Variants in CHN2 observed in about 807,000 individuals in gnomAD.
The protein encoded by CHN2 is chimerin 2.
A neutral mutation model predicts 56.3 loss-of-function variants in CHN2; 35 were observed. That is an observed-to-expected ratio of 0.62 (90% CI 0.47 to 0.82). CHN2 has a LOEUF of 0.82. CHN2 is among the 40% of genes least tolerant of loss of function. The probability of loss-of-function intolerance (pLI) is 0.00; values close to 1 mark genes in which losing one functional copy is unlikely to be tolerated. For synonymous variants in CHN2, 210 were observed against 212.8 expected, an observed-to-expected ratio of 0.99 and a Z score of 0.12; for missense variants, 491 against 580.5, an observed-to-expected ratio of 0.85 and a Z score of 1.58.
intron 1 of CHN2, among the ~76,000 whole-genome samples, chr7:29,347,263 A>G (rs540993963): frequency 2.0e-5 from 3 of 152,274 alleles, no homozygotes; most frequent in South Asian, 4.1e-4. Flanking sequence ...AATAAAAAAT[A>G]CAGAGACCCT....
At chr7:29,303,314 CT>C (rs149478328) in intron 1 of CHN2, among the ~76,000 whole-genome samples, 2,975 of 152,336 alleles carry the variant, frequency 0.02, 103 homozygotes, top group African/African-American at 0.068. Context: ...GATGCGCCGC[CT>C]TTGGGGCCTG....
intron 1 of CHN2, among the ~76,000 whole-genome samples, chr7:29,314,903 C>T (rs968462649): frequency 1.3e-5 from 2 of 151,378 alleles, no homozygotes; most frequent in Non-Finnish European, 2.9e-5. Context: ...TTTAATCAAG[C>T]TGCCACTTGA....
chr7:29,273,343 G>GTGTGTATA (rs1157790795), intron 1 of CHN2, among the ~76,000 whole-genome samples: 1 of 58,184 alleles, frequency 1.7e-5, no homozygotes, highest in Non-Finnish European at 3.5e-5. Context: ...ATATATATGT[G>GTGTGTATA]TATATATATA....
chr7:29,285,840 GT>G (rs1262130467), intron 1 of CHN2, among the ~76,000 whole-genome samples: 1 of 152,172 alleles, frequency 6.6e-6, no homozygotes, highest in Admixed American at 6.5e-5. Context: ...CCTCATCGGA[GT>G]TATTGACAGA....
chr7:29,396,284 G>A (rs1247581753), intron 4 of CHN2, among the ~76,000 whole-genome samples: 1 of 151,184 alleles, frequency 6.6e-6, no homozygotes, highest in Non-Finnish European at 1.5e-5. Context: ...CCCACTCCCC[G>A]CATCTCTACT....
At chr7:29,469,484 T>C (rs1320599945) in intron 6 of CHN2, among the ~76,000 whole-genome samples, 1 of 152,212 alleles carries the variant, frequency 6.6e-6, no homozygotes, top group Non-Finnish European at 1.5e-5. Context: ...TTACCTCACC[T>C]TCTAGCACCT....
intron 2 of CHN2, among the ~76,000 whole-genome samples, chr7:29,175,551 A>C (rs1242398268): frequency 2.0e-5 from 3 of 152,050 alleles, no homozygotes; most frequent in Non-Finnish European, 2.9e-5. Context: ...CATGTAAGAC[A>C]TTCCTTGCTC....
intron 1 of CHN2, among the ~76,000 whole-genome samples, chr7:29,222,585 G>A (rs1398878238): frequency 1.3e-5 from 2 of 152,038 alleles, no homozygotes; most frequent in African/African-American, 4.8e-5. Context: ...CGTGAAAACT[G>A]CAAAATATAT....
intron 4 of CHN2, among the ~76,000 whole-genome samples, chr7:29,395,429 G>A (rs77377224): frequency 6.6e-6 from 1 of 152,220 alleles, no homozygotes; most frequent in East Asian, 1.9e-4. Flanking sequence ...ACCACAGGTG[G>A]GAGGTGGGAG....
intron 1 of CHN2, among the ~76,000 whole-genome samples, chr7:29,318,009 A>G (rs1795079560): frequency 6.6e-6 from 1 of 152,204 alleles, no homozygotes. Context: ...AACAAAAAAC[A>G]GATGTGTGGT....
intron 1 of CHN2, among the ~76,000 whole-genome samples, chr7:29,309,638 A>G (rs968757393): frequency 2.6e-5 from 4 of 152,254 alleles, no homozygotes; most frequent in Non-Finnish European, 4.4e-5. Context: ...TAAATGATGC[A>G]TAATCAAATC....
chr7:29,324,199 A>G (rs1795615761), intron 1 of CHN2, among the ~76,000 whole-genome samples: 1 of 152,182 alleles, frequency 6.6e-6, no homozygotes, highest in Admixed American at 6.5e-5. Context: ...TAGGTTCTAC[A>G]ATAGTGATGC....
intron 1 of CHN2, among the ~76,000 whole-genome samples, chr7:29,243,784 T>A (rs39083): frequency 0.73 from 110,874 of 152,086 alleles, 41,255 homozygotes; most frequent in East Asian, 0.93. Context: ...GTTAGCGTTC[T>A]TGCCAGTATA....
At chr7:29,421,013 C>T (rs1804289556) in intron 6 of CHN2, among the ~76,000 whole-genome samples, 2 of 152,086 alleles carry the variant, frequency 1.3e-5, no homozygotes, top group Non-Finnish European at 1.5e-5. Flanking sequence ...GTTGGCCAGG[C>T]TGATCTTGAG....
At chr7:29,388,088 G>A (rs78624466) in intron 3 of CHN2, among the ~76,000 whole-genome samples, 98 of 152,288 alleles carry the variant, frequency 6.4e-4, no homozygotes, top group Admixed American at 1.1e-3. Flanking sequence ...CTCTAAAAAT[G>A]AATTTTGTTT....
intron 6 of CHN2, among the ~76,000 whole-genome samples, chr7:29,421,588 A>G (rs1450631921): frequency 3.3e-5 from 5 of 152,244 alleles, no homozygotes; most frequent in Admixed American, 1.3e-4. Flanking sequence ...CTTCATCTCC[A>G]AAGGGATTCA....
At chr7:29,288,496 A>G (rs2128867118) in intron 1 of CHN2, among the ~76,000 whole-genome samples, 1 of 152,288 alleles carries the variant, frequency 6.6e-6, no homozygotes, top group Non-Finnish European at 1.5e-5. Context: ...TTCTTTCTAT[A>G]TCCAAAGGGA....
intron 1 of CHN2, among the ~76,000 whole-genome samples, chr7:29,310,666 T>C (rs542984761): frequency 1.4e-4 from 22 of 152,314 alleles, no homozygotes; most frequent in African/African-American, 5.1e-4. Context: ...CAACAGAAAT[T>C]TGTTTCTTAC....
chr7:29,338,517 C>T (rs1479831703), intron 1 of CHN2, among the ~76,000 whole-genome samples: 3 of 152,124 alleles, frequency 2.0e-5, no homozygotes, highest in Non-Finnish European at 4.4e-5. Context: ...CCTCACTATT[C>T]CTCTGTTTAT....
Sources: gnomAD v4.1 joint callset for allele counts (sites outside exome capture counted in the v4.1 genomes callset) on GRCh38, gnomAD v4.1.1 for gene constraint, MANE v1.5 for transcripts, NCBI Gene and HGNC (gene_info 2026-07-23, HGNC 2026-07-21) for gene names.